ABCC1: variants seen among roughly 807,000 people sequenced by gnomAD.
The protein encoded by ABCC1 is ATP binding cassette subfamily C member 1 (ABCC1 blood group).
A neutral mutation model predicts 172.9 loss-of-function variants in ABCC1; 83 were observed. The ratio of observed to expected loss-of-function variants is 0.48; its 90% CI spans 0.40 to 0.58. The LOEUF (loss-of-function observed/expected upper bound fraction) is 0.58, where lower values mean the gene tolerates loss of function less well. ABCC1 is among the 20% of genes least tolerant of loss of function. The pLI is 0.00. For synonymous variants in ABCC1, 937 were observed against 825.2 expected (o/e 1.14, Z -2.32); for missense variants, 1,817 against 2,002.7 (o/e 0.91, Z 1.77).
At chr16:16,117,056 C>T (rs1206281596) in intron 23 of ABCC1, among the ~76,000 whole-genome samples, 1 of 152,166 alleles carries the variant, frequency 6.6e-6, no homozygotes, top group Non-Finnish European at 1.5e-5. Context: ...CAGAAGGGTG[C>T]ACAATTTAAA....
rs200254869 is a variant in ABCC1 at position 16,056,244 on chromosome 16, T to G, written c.1626T>G (p.Ser542=). 8.7e-5 allele frequency: 140 copies of G among 1,614,248 alleles called. No individual in the cohort carries two copies. The East Asian group carries it at 3.1e-3, about 36-fold the overall frequency. The change falls in exon 12 of 31, where the codon TCT becomes TCG. Residue 542 remains serine (S), a synonymous_variant. Coordinates refer to ENST00000399410, the MANE Select transcript of ABCC1 (RefSeq NM_004996.4). ...RQEELKVLKK[S]AYLSAVGTFT... ...AGGAGCTGAAGGTGCTGAAGAAGTCTGCCTACCTGTCAGCCGTGGGCACCT... is the reference window on the plus strand; with the variant it reads ...AGGAGCTGAAGGTGCTGAAGAAGTCGGCCTACCTGTCAGCCGTGGGCACCT...
intron 1 of ABCC1, among the ~76,000 whole-genome samples, chr16:15,973,034 G>A (rs1395648879): frequency 6.6e-6 from 1 of 151,858 alleles, no homozygotes; most frequent in Non-Finnish European, 1.5e-5. Flanking sequence ...AGTTCAAGTC[G>A]TCTGCCCACC....
rs1338998699 is a variant in ABCC1, at chr16:16,122,200, G to T, written c.3590+26G>T. ...GTGGGCATGGTGGGCCTGCAGGAGC[G>T]GGTGGAGGAGGCCGCCTTAGCACCT... is the stretch of plus-strand genomic sequence containing the variant. On this transcript the variant is annotated intron_variant, in intron 24 of 30. Coordinates refer to ENST00000399410, the MANE Select transcript of ABCC1 (RefSeq NM_004996.4). The T allele has an allele frequency of 7.4e-6, 12 of 1,612,242 alleles. No homozygotes were observed. In the Admixed American group the frequency reaches 2.0e-4, roughly 27 times the overall value.
chr16:16,046,068 G>C, intron 9 of ABCC1, 55 bp downstream of exon 9: 2 of 1,582,870 alleles, frequency 1.3e-6, no homozygotes, highest in Non-Finnish European at 1.7e-6. Context: ...CCCTCCTGCA[G>C]CCCTGGGTTA....
rs1567343393 is a variant in ABCC1, at chr16:16,044,620, T to C, written c.980T>C (p.Met327Thr). ...AAGACCTTTGGGCCCTACTTCCTCA[T>C]GAGCTTCTTCTTCAAGGCCATCCAC... ...LYKTFGPYFL[M>T]SFFFKAIHDL... Residue 327 changes from methionine (M) to threonine (T), a missense_variant, in exon 8 of 31, where the codon ATG becomes ACG. Coordinates refer to ENST00000399410, the MANE Select transcript of ABCC1 (RefSeq NM_004996.4). 6.2e-7 allele frequency: 1 copy of C among 1,613,916 alleles called. No homozygotes were observed. Among genetic ancestry groups the C allele is most frequent in the Non-Finnish European group, 8.5e-7 (1 of 1,179,920 alleles).
At chr16:15,980,368 A>G (rs973003766) in intron 1 of ABCC1, among the ~76,000 whole-genome samples, 4 of 152,086 alleles carry the variant, frequency 2.6e-5, no homozygotes, top group Non-Finnish European at 4.4e-5. Flanking sequence ...TGCTATAAAG[A>G]ACTGCCCAAC....
intron 1 of ABCC1, among the ~76,000 whole-genome samples, chr16:16,006,275 C>T (rs191479858): frequency 6.6e-6 from 1 of 152,172 alleles, no homozygotes; most frequent in East Asian, 1.9e-4. Flanking sequence ...AATTCTTCAG[C>T]TGGGCATGGT....
chr16:16,034,023 CTTT>C lies in ABCC1; in HGVS notation c.677+873_677+875del, dbSNP rs10580146. ...TTTTTTTGCCCCTAATAAGCATCAT[CTTT>C]TTTTTTTTTTTTTTTTTTTGAGACA... On this transcript the variant is annotated intron_variant, in intron 6 of 30. Coordinates refer to ENST00000399410, the MANE Select transcript of ABCC1 (RefSeq NM_004996.4). Among the ~76,000 whole-genome samples, 740 of 86,836 alleles carry C rather than the reference CTTT, an allele frequency of 8.5e-3. 10 individuals are homozygous for C. Among genetic ancestry groups the C allele is most frequent in the Middle Eastern group, 0.062 (6 of 96 alleles). 57.0% of individuals were successfully genotyped at this position (86,836 alleles called of 152,430 possible). A position where few individuals can be genotyped will look rare whatever the true frequency, so the allele number is the denominator to read the frequency against.
chr16:16,137,897 C>T (rs1056843404), intron 29 of ABCC1, among the ~76,000 whole-genome samples: 2 of 151,786 alleles, frequency 1.3e-5, no homozygotes, highest in Non-Finnish European at 2.9e-5. Context: ...CAGTGTCTCA[C>T]TCTGTTGCCT....
chr16:15,949,431 C>G, upstream of ABCC1: 1 of 147,228 alleles, frequency 6.8e-6, no homozygotes, highest in Non-Finnish European at 1.5e-5. Flanking sequence ...CTTGGAGGAT[C>G]TGGGGTGGGG....
chr16:16,024,688 A>G (rs1449578788), intron 5 of ABCC1, among the ~76,000 whole-genome samples: 1 of 152,118 alleles, frequency 6.6e-6, no homozygotes, highest in Non-Finnish European at 1.5e-5. Context: ...CTGTGGTGGG[A>G]GCTGAGGAAA....
At chr16:16,056,626 G>A (rs1441492570) in intron 12 of ABCC1, 3 of 356,790 alleles carry the variant, frequency 8.4e-6, no homozygotes, top group East Asian at 6.5e-5. Context: ...CCAAGATCAC[G>A]CCAGTGCACT....
chr16:16,015,051 C>T (rs549772077), intron 4 of ABCC1, among the ~76,000 whole-genome samples: 1 of 152,056 alleles, frequency 6.6e-6, no homozygotes, highest in Non-Finnish European at 1.5e-5. Flanking sequence ...TACCTTTGTC[C>T]CATCAGTTGC....
At chr16:15,970,575 AG>A (rs1386009065) in intron 1 of ABCC1, among the ~76,000 whole-genome samples, 1 of 151,684 alleles carries the variant, frequency 6.6e-6, no homozygotes, top group Non-Finnish European at 1.5e-5. Context: ...TGGCTTAATG[AG>A]GAAGGCCACT....
Position 16,007,686 on chromosome 16 carries a change from A to C in ABCC1, c.49-130A>C, listed in dbSNP as rs1597107286. 6.3e-6 allele frequency: 5 copies of C among 791,702 alleles called. No individual in the cohort carries two copies. In the East Asian group the frequency reaches 1.2e-4, roughly 18 times the overall value. 49.0% of individuals were successfully genotyped at this position (791,702 alleles called of 1,614,324 possible). A position where few individuals can be genotyped will look rare whatever the true frequency, so the allele number is the denominator to read the frequency against. ...CTTTTTAGTTTGCGTGTTCATCCTGAAAGGTCCTTGGATATATAGGAGCCT... is the reference window on the plus strand; with the variant it reads ...CTTTTTAGTTTGCGTGTTCATCCTGCAAGGTCCTTGGATATATAGGAGCCT... On this transcript the variant is annotated intron_variant, in intron 1 of 30. Transcript: ENST00000399410.
rs767107797 is a variant in ABCC1 at position 16,044,575 on chromosome 16, C to T, written c.935C>T (p.Ser312Phe). 1 of 1,614,170 alleles carries T rather than the reference C, an allele frequency of 6.2e-7. No homozygotes were observed. Among genetic ancestry groups the T allele is most frequent in the Non-Finnish European group, 8.5e-7 (1 of 1,180,026 alleles). Residue 312 changes from serine to phenylalanine, a missense_variant, in exon 8 of 31, where the codon TCT becomes TTT. By Grantham distance (155) the Ser-to-Phe change is radical. Coordinates refer to ENST00000399410, the MANE Select transcript of ABCC1 (RefSeq NM_004996.4). Reference sequence around the variant, plus strand: ...TCCCCACAGAAGGAGTGGAACCCCTCTCTGTTTAAGGTGTTATACAAGACC... The same window carrying T: ...TCCCCACAGAAGGAGTGGAACCCCTTTCTGTTTAAGGTGTTATACAAGACC... ...VKSPQKEWNP[S>F]LFKVLYKTFG...
intron 5 of ABCC1, among the ~76,000 whole-genome samples, chr16:16,025,702 T>C (rs1220294732): frequency 2.0e-5 from 3 of 152,170 alleles, no homozygotes; most frequent in East Asian, 1.9e-4. Flanking sequence ...CCGTACCTAA[T>C]TGGTTCAAAC....
At chr16:16,022,373 C>T (rs45544731) in intron 5 of ABCC1, among the ~76,000 whole-genome samples, 4 of 152,110 alleles carry the variant, frequency 2.6e-5, no homozygotes, top group African/African-American at 9.7e-5. Flanking sequence ...ACCAAGACTG[C>T]CAGAGCTCCG....
intron 1 of ABCC1, among the ~76,000 whole-genome samples, chr16:15,992,022 C>A (rs1460758245): frequency 6.6e-6 from 1 of 152,110 alleles, no homozygotes; most frequent in African/African-American, 2.4e-5. Context: ...CAGCCGCTCC[C>A]CATCTTTTGC....
Sources: allele counts gnomAD v4.1 joint callset (sites outside exome capture counted in the v4.1 genomes callset), GRCh38; gene constraint gnomAD v4.1.1; transcripts MANE v1.5; gene names NCBI Gene and HGNC (gene_info 2026-07-23, HGNC 2026-07-21).